ABCC9: variants seen among roughly 807,000 people sequenced by gnomAD.
ABCC9 encodes the protein ATP binding cassette subfamily C member 9.
ABCC9 carries 95 observed loss-of-function variants against 188.3 expected under a neutral mutation model. That is an observed-to-expected ratio of 0.50 (90% CI 0.43 to 0.60). ABCC9 has a LOEUF of 0.60. Ranked by LOEUF, ABCC9 falls within the 20% of genes least tolerant of loss-of-function variation. ABCC9 has a pLI of 0.00. For synonymous variants in ABCC9, 659 were observed against 652.7 expected, an observed-to-expected ratio of 1.01 and a Z score of -0.15; for missense variants, 1,102 against 1,876.3, an observed-to-expected ratio of 0.59 and a Z score of 7.62.
At chr12:21,849,785 T>TA (rs1944867524) in intron 24 of ABCC9, among the ~76,000 whole-genome samples, 1 of 152,196 alleles carries the variant, frequency 6.6e-6, no homozygotes, top group African/African-American at 2.4e-5. Flanking sequence ...GTGAGGACAG[T>TA]AGAGAGGGAA....
intron 10 of ABCC9, among the ~76,000 whole-genome samples, chr12:21,908,490 CATGAATTT>C (rs1948149322): frequency 3.9e-5 from 6 of 151,912 alleles, no homozygotes; most frequent in Non-Finnish European, 8.8e-5. Flanking sequence ...CAATGTATTG[CATGAATTT>C]GCAAAGTGGT....
At chr12:21,892,187 T>G (rs1947189939) in intron 14 of ABCC9, among the ~76,000 whole-genome samples, 1 of 152,160 alleles carries the variant, frequency 6.6e-6, no homozygotes, top group African/African-American at 2.4e-5. Context: ...TACAGGGATA[T>G]CCATCCTCCA....
chr12:21,804,673 G>A (rs985417375), intron 39 of ABCC9, among the ~76,000 whole-genome samples: 7 of 152,120 alleles, frequency 4.6e-5, no homozygotes, highest in Non-Finnish European at 1.0e-4. Context: ...GCCCTGATGG[G>A]ACATCATTTC....
At chr12:21,828,128 TA>T (rs965542038) in intron 31 of ABCC9, among the ~76,000 whole-genome samples, 3 of 152,288 alleles carry the variant, frequency 2.0e-5, no homozygotes, top group African/African-American at 7.2e-5. Flanking sequence ...AATACCTATT[TA>T]AAAAATTACA....
chr12:21,845,870 C>T (rs776092130), intron 25 of ABCC9, 38 bp from the exon 26 acceptor site: 18 of 1,433,028 alleles, frequency 1.3e-5, no homozygotes, highest in African/African-American at 2.8e-5. Context: ...TTCAGATGGG[C>T]ACCGGCTAGA....
chr12:21,862,929 T>C, intron 20 of ABCC9, 24 bp downstream of exon 20: 12 of 1,518,864 alleles, frequency 7.9e-6, no homozygotes, highest in South Asian at 1.1e-5. Context: ...ATTTTGGTTC[T>C]AAATTTTATA....
chr12:21,815,680 A>G lies in ABCC9; in HGVS notation c.4023+83T>C, dbSNP rs1262533733. 5 of 1,539,448 alleles carry G rather than the reference A, an allele frequency of 3.2e-6. No individual in the cohort carries two copies. The East Asian group carries it at 1.2e-4, about 36-fold the overall frequency. On this transcript the variant is annotated intron_variant, in intron 34 of 39. Coordinates refer to ENST00000261200, the MANE Select transcript of ABCC9 (RefSeq NM_020297.4). ...AGGGAATATACTTACTTGGCTGGGA[A>G]GTATGAAGAGCTTAGGTAGTAAAAA...
At chr12:21,925,820 C>A (rs1949022183) in intron 5 of ABCC9, 122 bp downstream of exon 5, 1 of 1,088,010 alleles carries the variant, frequency 9.2e-7, no homozygotes, top group Non-Finnish European at 1.3e-6. Flanking sequence ...CACTGGTTTT[C>A]CCATACTTTC....
At chr12:21,856,085 A>G (rs962227929) in intron 22 of ABCC9, among the ~76,000 whole-genome samples, 9 of 152,182 alleles carry the variant, frequency 5.9e-5, no homozygotes, top group Admixed American at 4.6e-4. Context: ...GCTAATGTGT[A>G]TAAAGTACTT....
intron 6 of ABCC9, among the ~76,000 whole-genome samples, chr12:21,916,415 C>T (rs1372785271): frequency 6.6e-6 from 1 of 152,144 alleles, no homozygotes; most frequent in African/African-American, 2.4e-5. Flanking sequence ...TCTCACACAA[C>T]ATAACTGACA....
At chr12:21,905,345 A>G (rs930503230) in intron 12 of ABCC9, among the ~76,000 whole-genome samples, 16 of 151,492 alleles carry the variant, frequency 1.1e-4, no homozygotes, top group Non-Finnish European at 2.2e-4. Flanking sequence ...GCACACCAAC[A>G]TGACACATAT....
At chr12:21,839,453 TCA>T (rs1944266506) in intron 29 of ABCC9, among the ~76,000 whole-genome samples, 2 of 152,316 alleles carry the variant, frequency 1.3e-5, no homozygotes, top group South Asian at 4.1e-4. Context: ...GAACTTCCAT[TCA>T]CAGTTTCTCT....
intron 16 of ABCC9, among the ~76,000 whole-genome samples, chr12:21,876,859 A>G (rs1946378502): frequency 6.6e-6 from 1 of 152,370 alleles, no homozygotes; most frequent in Non-Finnish European, 1.5e-5. Flanking sequence ...TTATAACTAC[A>G]TATAACCCCC....
chr12:21,910,415 AAAAAG>A (rs1348267308), intron 9 of ABCC9, 103 bp from the exon 10 acceptor site: 8 of 1,206,382 alleles, frequency 6.6e-6, no homozygotes, highest in Admixed American at 2.5e-5. Context: ...TTTTTTGAGA[AAAAAG>A]AAAAGAAAAA....
At chr12:21,893,345 G>A (rs569187249) in intron 14 of ABCC9, among the ~76,000 whole-genome samples, 47 of 152,220 alleles carry the variant, frequency 3.1e-4, no homozygotes, top group South Asian at 1.0e-3. Context: ...TTTAAGCCTG[G>A]ATTTTTTTCC....
At chr12:21,926,627 G>A (rs1949055806) in intron 4 of ABCC9, among the ~76,000 whole-genome samples, 1 of 152,206 alleles carries the variant, frequency 6.6e-6, no homozygotes, top group Admixed American at 6.5e-5. Flanking sequence ...TGAAGGGACA[G>A]TGTGAGAACA....
At chr12:21,915,514 A>ATATATATATATATTTT in intron 7 of ABCC9, among the ~76,000 whole-genome samples, 154 bp downstream of exon 7, 2 of 3,522 alleles carry the variant, frequency 5.7e-4, no homozygotes, top group African/African-American at 1.1e-3. Flanking sequence ...ATATATATAT[A>ATATATATATATATTTT]TTTTTTTTTT....
At chr12:21,821,700 A>G (rs1767729956) in intron 31 of ABCC9, among the ~76,000 whole-genome samples, 1 of 152,190 alleles carries the variant, frequency 6.6e-6, no homozygotes, top group African/African-American at 2.4e-5. Context: ...GAATTCACCC[A>G]CTGTAAAGAA....
At chr12:21,884,754 A>T (rs575699201) in intron 15 of ABCC9, among the ~76,000 whole-genome samples, 1 of 137,626 alleles carries the variant, frequency 7.3e-6, no homozygotes, top group Admixed American at 7.7e-5. Context: ...TGGTTCTGTC[A>T]CACAGAAAAT....
Sources: allele counts gnomAD v4.1 joint callset (sites outside exome capture counted in the v4.1 genomes callset), GRCh38; gene constraint gnomAD v4.1.1; transcripts MANE v1.5; gene names NCBI Gene and HGNC (gene_info 2026-07-23, HGNC 2026-07-21).